The following MUC6 variants were observed in gnomAD, a reference collection of about 807,000 sequenced individuals.
MUC6 encodes the protein mucin-6.
A neutral mutation model predicts 201.5 loss-of-function variants in MUC6; 188 were observed. The ratio of observed to expected loss-of-function variants is 0.93; its 90% CI spans 0.83 to 1.05. The LOEUF (loss-of-function observed/expected upper bound fraction) is 1.05, where lower values mean the gene tolerates loss of function less well. Ranked by LOEUF, MUC6 falls within the 50% of genes least tolerant of loss-of-function variation. MUC6 has a pLI of 0.00. For synonymous variants in MUC6, 1,228 were observed against 1,389.4 expected (o/e 0.88, Z 2.58); for missense variants, 2,706 against 3,256.9 (o/e 0.83, Z 4.12).
At chr11:1,031,134 C>T (rs535300649) in intron 5 of MUC6, 35 bp downstream of exon 5, 1 of 525,712 alleles carries the variant, frequency 1.9e-6, no homozygotes, top group Non-Finnish European at 3.1e-6. Context: ...ACCTAGAGGC[C>T]CCCCCAGAGG....
chr11:1,027,094 C>CG, intron 18 of MUC6, 44 bp from the exon 19 acceptor site: 2 of 1,609,856 alleles, frequency 1.2e-6, no homozygotes, highest in Non-Finnish European at 1.7e-6. Flanking sequence ...CAGAGGAAGC[C>CG]GGGGCCCCTC....
chr11:1,020,932 G>A (rs1296537966), intron 27 of MUC6, among the ~76,000 whole-genome samples, 198 bp from the exon 28 acceptor site: 1 of 152,214 alleles, frequency 6.6e-6, no homozygotes, highest in African/African-American at 2.4e-5. Flanking sequence ...CAGGCACCCT[G>A]GCAGGCCTGG....
chr11:1,020,207 C>T lies in MUC6; in HGVS notation c.3691G>A (p.Gly1231Arg), dbSNP rs765595248. The T allele has an allele frequency of 5.6e-6, 9 of 1,611,114 alleles. No homozygotes were observed. The highest frequency in any genetic ancestry group is 3.3e-5 in the South Asian group (3 of 90,946). ...GAGGGTCCGGTGGAGCTGAGAAGCCCGATGGTGGTGGAGGTTCCCGTCATG... is the reference window on the plus strand; with the variant it reads ...GAGGGTCCGGTGGAGCTGAGAAGCCTGATGGTGGTGGAGGTTCCCGTCATG... The part of the protein sequence containing the change: ...WPMTGTSTTI[G>R]LLSSTGPSPS... Residue 1231 changes from glycine to arginine, a missense_variant, in exon 29 of 33, where the codon GGG (glycine) becomes AGG (arginine). Coordinates refer to ENST00000421673, the MANE Select transcript of MUC6 (RefSeq NM_005961.3).
At position 1,023,585 on chromosome 11, in the gene MUC6, C is replaced by T. The variant is rs756198592; in HGVS notation, c.3450G>A (p.Glu1150=). The T allele has an allele frequency of 4.4e-5, 71 of 1,612,726 alleles. No homozygotes were observed. Among genetic ancestry groups the T allele is most frequent in the Non-Finnish European group, 5.6e-5 (66 of 1,179,724 alleles). The part of the protein sequence containing the change: ...DGHGEYQYTQ[E]ANCTWHYQPC... ...GCTGGTAGTGCCACGTGCAGTTGGCCTCCTGTGTGTACTGGTACTCGCCAT... is the reference window on the plus strand; with the variant it reads ...GCTGGTAGTGCCACGTGCAGTTGGCTTCCTGTGTGTACTGGTACTCGCCAT... Residue 1150 remains glutamate, a synonymous_variant, in exon 26 of 33, where the codon GAG becomes GAA. Coordinates refer to ENST00000421673, the MANE Select transcript of MUC6 (RefSeq NM_005961.3).
rs778512663 is a variant in MUC6 at position 1,033,000 on chromosome 11, G to A, written c.115+13C>T. The A allele has an allele frequency of 3.8e-6, 6 of 1,575,678 alleles. No homozygotes were observed. The highest frequency in any genetic ancestry group is 1.3e-5 in the African/African-American group (1 of 74,174). On this transcript the variant is annotated intron_variant, in intron 2 of 32. Transcript: ENST00000421673. ...GGTCTGGGCGGCAGGATCAGTGGCC[G>A]CTGTGTTCTTACCTGTCTGTGGAGA...
chr11:1,032,536 CAG>C (rs1265367649), intron 2 of MUC6, among the ~76,000 whole-genome samples: 1 of 147,226 alleles, frequency 6.8e-6, no homozygotes, highest in African/African-American at 2.5e-5. Flanking sequence ...GTGCGTGTCT[CAG>C]GTGTGTAGGG....
In MUC6 at chr11:1,026,352, C is replaced by A. The variant is rs1284566753; in HGVS notation, c.2521G>T (p.Glu841Ter). Residue 841 changes from glutamate to a stop codon, truncating the protein, a stop_gained, in exon 20 of 33, where the codon GAG becomes TAG. Transcript: ENST00000421673. LOFTEE classifies it high-confidence loss of function. ...FSGVSYPGGA[E>*]LHTDCRTCSC... ...CAGGTCCTGCAGTCAGTGTGGAGCT[C>A]AGCTCCTCCAGGGTAGGAGACCCCC... is the stretch of plus-strand genomic sequence containing the variant. The A allele has an allele frequency of 1.9e-6, 3 of 1,595,556 alleles. No homozygotes were observed. Among genetic ancestry groups the A allele is most frequent in the Non-Finnish European group, 2.6e-6 (3 of 1,171,456 alleles).
In MUC6 at chr11:1,016,085, C is replaced by G. The variant is rs367837519; in HGVS notation, c.6716G>C (p.Ser2239Thr). Residue 2239 changes from serine (S) to threonine (T), a missense_variant, in exon 31 of 33, where the codon AGC becomes ACC. Coordinates refer to ENST00000421673, the MANE Select transcript of MUC6 (RefSeq NM_005961.3). The stretch of plus-strand genomic sequence containing the variant: ...TGCAATGGTGCTGGAGGCTAGGTGG[C>G]TGGATGGGGTGGGAGACACGGTAAC... ...STVTVSPTPS[S>T]HLASSTIAFP... is the part of the protein sequence containing the mutation. 11 of 1,612,292 alleles carry G rather than the reference C, an allele frequency of 6.8e-6. No homozygotes were observed. In the Admixed American group the frequency reaches 1.8e-4, roughly 27 times the overall value.
In MUC6 at chr11:1,026,867, G is replaced by A. The variant is rs1455258296; in HGVS notation, c.2394+74C>T. ...AGGGCAGAATGCGGCCAGGTCTCCCGGAGTTCTGTGGAAACCCCCTCATGG... is the reference window on the plus strand; with the variant it reads ...AGGGCAGAATGCGGCCAGGTCTCCCAGAGTTCTGTGGAAACCCCCTCATGG... On this transcript the variant is annotated intron_variant, in intron 19 of 32. Coordinates refer to ENST00000421673, the MANE Select transcript of MUC6 (RefSeq NM_005961.3). 2.4e-5 allele frequency: 33 copies of A among 1,375,530 alleles called. No individual in the cohort carries two copies. In the Admixed American group the frequency reaches 2.4e-4, roughly 10 times the overall value. 85.2% of individuals were successfully genotyped at this position (1,375,530 alleles called of 1,614,324 possible).
intron 7 of MUC6, 46 bp from the exon 8 acceptor site, chr11:1,030,381 C>T: frequency 1.3e-6 from 2 of 1,519,928 alleles, no homozygotes; most frequent in Non-Finnish European, 1.8e-6. Context: ...CCCCCCCCAC[C>T]CCTCCCTGCC....
Position 1,013,659 on chromosome 11 carries a change from G to T in MUC6, c.7143-26C>A, listed in dbSNP as rs954669514. 5.2e-6 allele frequency: 8 copies of T among 1,546,582 alleles called. No homozygotes were observed. The African/African-American group carries it at 8.2e-5, about 16-fold the overall frequency. Reference sequence around the variant, plus strand: ...CTGCCGAGAAGTCAAGACAGAGCAGGGTCATGACTGCTGCAGGGGCATAAG... The same window carrying T: ...CTGCCGAGAAGTCAAGACAGAGCAGTGTCATGACTGCTGCAGGGGCATAAG... On this transcript the variant is annotated intron_variant, in intron 32 of 32. Coordinates refer to ENST00000421673, the MANE Select transcript of MUC6 (RefSeq NM_005961.3).
At chr11:1,027,538 A>G (rs1254321181) in intron 16 of MUC6, 21 bp from the exon 17 acceptor site, 6 of 1,611,230 alleles carry the variant, frequency 3.7e-6, no homozygotes, top group Non-Finnish European at 3.4e-6. Flanking sequence ...CCCGGGCATC[A>G]GACTCTCCGG....
chr11:1,021,091 T>C, intron 27 of MUC6, 124 bp downstream of exon 27: 1 of 940,352 alleles, frequency 1.1e-6, no homozygotes, highest in Non-Finnish European at 1.5e-6. Flanking sequence ...GAGAGTGGAG[T>C]CCCAGAGCTC....
chr11:1,014,019 G>T lies in MUC6; in HGVS notation c.7040-18C>A. 1 of 1,584,624 alleles carries T rather than the reference G, an allele frequency of 6.3e-7. No individual in the cohort carries two copies. Among genetic ancestry groups the T allele is most frequent in the Admixed American group, 1.8e-5 (1 of 56,364 alleles). On this transcript the variant is annotated intron_variant, in intron 31 of 32. Transcript: ENST00000421673. ...GCAGACCCCTGGTAGCCGAGTGGAC[G>T]GTCAGCAGCGCCCAGGGTGGGCATG...
In MUC6 at chr11:1,024,061, A is replaced by G. The variant is rs1856889728; in HGVS notation, c.3268T>C (p.Cys1090Arg). The G allele has an allele frequency of 2.5e-6, 4 of 1,612,996 alleles. No homozygotes were observed. Among genetic ancestry groups the G allele is most frequent in the African/African-American group, 1.3e-5 (1 of 74,930 alleles). ...PYYEACVRDACGCDSGGDCEC... is the reference protein window; with the variant it reads ...PYYEACVRDARGCDSGGDCEC... ...CAGTCCCCGCCACTGTCACACCCAC[A>G]TGCGTCGCGCACGCAGGCCTCGTAG... The change falls in exon 25 of 33, where the codon TGT becomes CGT. Residue 1090 changes from cysteine (C) to arginine (R), a missense_variant. By Grantham distance (180) the Cys-to-Arg change is radical. Around this residue, in one of 10 missense-constraint regions of MUC6, gnomAD observed 1,850 missense variants for 1,958.3 expected, o/e 0.94. Coordinates refer to ENST00000421673, the MANE Select transcript of MUC6 (RefSeq NM_005961.3).
intron 30 of MUC6, 27 bp downstream of exon 30, chr11:1,019,248 C>T (rs759840655): frequency 1.2e-6 from 2 of 1,608,800 alleles, no homozygotes; most frequent in East Asian, 4.5e-5. Context: ...TTCGGCAGTG[C>T]TGGCATCCCA....
intron 32 of MUC6, 111 bp from the exon 33 acceptor site, chr11:1,013,744 G>A (rs1241500534): frequency 1.2e-5 from 16 of 1,390,408 alleles, no homozygotes; most frequent in South Asian, 3.8e-5. Flanking sequence ...CTGAGCTCCC[G>A]GCTCACAGGG....
intron 31 of MUC6, 93 bp from the exon 32 acceptor site, chr11:1,014,094 C>T (rs1185476572): frequency 1.9e-6 from 2 of 1,038,904 alleles, no homozygotes; most frequent in Admixed American, 2.1e-5. Context: ...CCCCACCTGT[C>T]TCTGGACTCT....
chr11:1,030,902 CCT>C, intron 6 of MUC6, 43 bp downstream of exon 6: 1 of 1,540,508 alleles, frequency 6.5e-7, no homozygotes, highest in Non-Finnish European at 8.8e-7. Flanking sequence ...TCTCGGCGAC[CCT>C]GTCAGACCTG....
Sources: allele counts gnomAD v4.1 joint callset (sites outside exome capture counted in the v4.1 genomes callset), GRCh38; gene constraint gnomAD v4.1.1; regional missense constraint gnomAD v4.1.1; transcripts MANE v1.5; gene names NCBI Gene and HGNC (gene_info 2026-07-23, HGNC 2026-07-21).